The following CTSC variants were observed in gnomAD, a reference collection of about 807,000 sequenced individuals.
The protein encoded by CTSC is cathepsin C, also known as dipeptidyl peptidase 1.
CTSC carries 37 observed loss-of-function variants against 40.9 expected under a neutral mutation model. The ratio of observed to expected loss-of-function variants is 0.91; its 90% CI spans 0.70 to 1.19. The LOEUF (loss-of-function observed/expected upper bound fraction) is 1.19, where lower values mean the gene tolerates loss of function less well. Ranked by LOEUF, CTSC falls within the 50% of genes most tolerant of loss-of-function variation. The probability of loss-of-function intolerance (pLI) is 0.00; values close to 1 mark genes in which losing one functional copy is unlikely to be tolerated. For synonymous variants in CTSC, 232 were observed against 207.4 expected (o/e 1.12, Z -1.02); for missense variants, 594 against 567.3 (o/e 1.05, Z -0.48).
At chr11:88,313,538 T>C (rs964075104) in intron 2 of CTSC, among the ~76,000 whole-genome samples, 6 of 152,140 alleles carry the variant, frequency 3.9e-5, no homozygotes, top group African/African-American at 1.4e-4. Flanking sequence ...AGATCCAGGA[T>C]TTGAACTAAG....
intron 2 of CTSC, chr11:88,325,274 G>A (rs905954683): frequency 5.1e-6 from 5 of 985,236 alleles, no homozygotes; most frequent in Non-Finnish European, 6.0e-6. Context: ...CAAACTGAAG[G>A]AGAAGGTAAG....
chr11:88,312,149 G>A (rs1937776297), intron 3 of CTSC, among the ~76,000 whole-genome samples: 2 of 151,976 alleles, frequency 1.3e-5, no homozygotes, highest in Admixed American at 1.3e-4. Context: ...GCAATTCTGT[G>A]GTCCATTACA....
At chr11:88,336,920 TTTTC>T (rs748425094) in intron 1 of CTSC, among the ~76,000 whole-genome samples, 1 of 152,164 alleles carries the variant, frequency 6.6e-6, no homozygotes, top group African/African-American at 2.4e-5. Flanking sequence ...CAGAGTTAAG[TTTTC>T]TTTGTTATTA....
intron 2 of CTSC, among the ~76,000 whole-genome samples, chr11:88,330,182 T>C (rs1938311342): frequency 6.6e-6 from 1 of 152,216 alleles, no homozygotes; most frequent in South Asian, 2.1e-4. Context: ...TTTGAATGCC[T>C]CTAAGACTGT....
In CTSC at chr11:88,301,712, C is replaced by T. The variant is rs80269539; in HGVS notation, c.642-1067G>A. On this transcript the variant is annotated intron_variant, in intron 4 of 6. Transcript: ENST00000227266. ...AGAGTTGCCTAGGCCCATGAATGAA[C>T]GGACATTTTTGGGAAGTGAGAAAAT... Among the ~76,000 whole-genome samples the T allele has an allele frequency of 4.3e-3, 656 of 152,074 alleles. 7 individuals are homozygous for T. Among genetic ancestry groups the T allele is most frequent in the African/African-American group, 0.015 (634 of 41,486 alleles).
intron 2 of CTSC, among the ~76,000 whole-genome samples, chr11:88,331,982 A>G (rs1376004705): frequency 6.6e-6 from 1 of 152,218 alleles, no homozygotes; most frequent in Non-Finnish European, 1.5e-5. Context: ...GCATGTACCA[A>G]CTACTCAACA....
chr11:88,337,509 G>A lies in CTSC; in HGVS notation c.164C>T (p.Ser55Leu), dbSNP rs377512795. Residue 55 changes from serine (S) to leucine (L), a missense_variant, in exon 1 of 7, where the codon TCG (serine) becomes TTG (leucine). Ser to Leu is a moderately radical substitution (Grantham distance 145). Coordinates refer to ENST00000227266, the MANE Select transcript of CTSC (RefSeq NM_001814.6). ...SSGSQRDVNC[S>L]VMGPQEKKVV... ...CCGAGCCGGCGGCTTACCCATAACC[G>A]AGCAGTTGACATCGCGCTGGGAACC... 10 of 1,573,442 alleles carry A rather than the reference G, an allele frequency of 6.4e-6. No homozygotes were observed. In the African/African-American group the frequency reaches 9.5e-5, roughly 15 times the overall value.
intron 2 of CTSC, chr11:88,323,467 AG>A (rs1938085662): frequency 6.6e-6 from 1 of 152,182 alleles, no homozygotes; most frequent in Non-Finnish European, 1.5e-5. Context: ...ATAGGAAGAG[AG>A]GAAGTCAAAT....
intron 2 of CTSC, among the ~76,000 whole-genome samples, chr11:88,326,824 G>A: frequency 6.6e-6 from 1 of 152,162 alleles, no homozygotes; most frequent in East Asian, 1.9e-4. Flanking sequence ...ACATGACTAG[G>A]TACTAGGCTA....
intron 6 of CTSC, among the ~76,000 whole-genome samples, chr11:88,294,842 A>T (rs1446301507): frequency 6.6e-6 from 1 of 152,220 alleles, no homozygotes; most frequent in East Asian, 1.9e-4. Context: ...TAAAATCTAG[A>T]TGGTAGTAGT....
Position 88,294,183 on chromosome 11 carries a change from A to G in CTSC, c.1215T>C (p.His405=). ...DPFNPFELTN[H]AVLLVGYGTD... ...TGCCATAGCCCACAAGCAGAACAGCATGATTAGTCAGCTCAAAGGGGTTGA... is the reference window on the plus strand; with the variant it reads ...TGCCATAGCCCACAAGCAGAACAGCGTGATTAGTCAGCTCAAAGGGGTTGA... The change falls in exon 7 of 7, where the codon CAT becomes CAC. Residue 405 remains histidine (H), a synonymous_variant. Coordinates refer to ENST00000227266, the MANE Select transcript of CTSC (RefSeq NM_001814.6). 1 of 1,613,948 alleles carries G rather than the reference A, an allele frequency of 6.2e-7. No individual in the cohort carries two copies. The highest frequency in any genetic ancestry group is 8.5e-7 in the Non-Finnish European group (1 of 1,179,994).
intron 5 of CTSC, chr11:88,299,437 C>A (rs1234746003): frequency 1.3e-5 from 2 of 152,014 alleles, no homozygotes; most frequent in Non-Finnish European, 2.9e-5. Flanking sequence ...AGCTGAAGAG[C>A]CCAGAATAAC....
rs760394448 is a variant in CTSC, at chr11:88,296,198, G to A, written c.824C>T (p.Thr275Ile). ...TAGGATTGGGGTCTGAGAATTGTTG[G>A]TTAGTATACGGATTCTCGCTTCTAG... is the stretch of plus-strand genomic sequence containing the variant. ...GMLEARIRILTNNSQTPILSP... is the reference protein window; with the variant it reads ...GMLEARIRILINNSQTPILSP... Residue 275 changes from threonine (T) to isoleucine (I), a missense_variant, in exon 6 of 7, where the codon ACC (threonine) becomes ATC (isoleucine). By Grantham distance (89) the Thr-to-Ile change is moderately conservative (BLOSUM62 -1). Coordinates refer to ENST00000227266, the MANE Select transcript of CTSC (RefSeq NM_001814.6). The A allele has an allele frequency of 1.2e-6, 2 of 1,613,964 alleles. No homozygotes were observed. The highest frequency in any genetic ancestry group is 1.7e-6 in the Non-Finnish European group (2 of 1,179,920).
At chr11:88,296,619 G>A in intron 5 of CTSC, 1 of 347,074 alleles carries the variant, frequency 2.9e-6, no homozygotes, top group South Asian at 2.3e-5. Flanking sequence ...GGTGATGGAG[G>A]AATACATGTG....
At chr11:88,296,444 A>G (rs1944300205) in intron 5 of CTSC, 180 bp from the exon 6 acceptor site, 1 of 693,774 alleles carries the variant, frequency 1.4e-6, no homozygotes, top group Admixed American at 2.4e-5. Flanking sequence ...GCAATCATTA[A>G]GATTTCATCC....
intron 4 of CTSC, among the ~76,000 whole-genome samples, chr11:88,302,880 T>G (rs1591224150): frequency 6.6e-6 from 1 of 152,078 alleles, no homozygotes; most frequent in Non-Finnish European, 1.5e-5. Flanking sequence ...AGACATAATA[T>G]ACACAAAGAT....
Position 88,337,730 on chromosome 11 carries a change from T to C in CTSC, c.-58A>G, listed in dbSNP as rs559944381. 1.6e-5 allele frequency: 24 copies of C among 1,540,784 alleles called. No individual in the cohort carries two copies. The highest frequency in any genetic ancestry group is 1.8e-5 in the Non-Finnish European group (21 of 1,140,080). On this transcript the variant is annotated 5_prime_UTR_variant, in exon 1 of 7. Transcript: ENST00000227266. ...TACCAGGAAGCCGAGCGCTGCGGGC[T>C]AGCGGTGAGTCCACCACGAGGCGCG...
At chr11:88,336,238 T>TA (rs3079112) in intron 1 of CTSC, among the ~76,000 whole-genome samples, 219 of 127,186 alleles carry the variant, frequency 1.7e-3, no homozygotes, top group African/African-American at 4.3e-3. Flanking sequence ...AACTCAAATT[T>TA]AAAAAAAAAA....
chr11:88,328,034 A>G, intron 2 of CTSC: 1 of 919,020 alleles, frequency 1.1e-6, no homozygotes. Context: ...ATAAATAGGC[A>G]TTAATTTGCA....
Sources: gnomAD v4.1 joint callset for allele counts (sites outside exome capture counted in the v4.1 genomes callset) on GRCh38, gnomAD v4.1.1 for gene constraint, MANE v1.5 for transcripts, NCBI Gene and HGNC (gene_info 2026-07-23, HGNC 2026-07-21) for gene names.